The following HTT-AS variants were observed in gnomAD, a reference collection of about 807,000 sequenced individuals.
HTT-AS encodes the protein HTT antisense RNA (head to head).
intron 2 of HTT-AS, among the ~76,000 whole-genome samples, chr4:3,061,648 C>G (rs1002317395): frequency 1.4e-5 from 2 of 146,490 alleles, no homozygotes; most frequent in African/African-American, 2.5e-5. Flanking sequence ...TGCCATTGCA[C>G]TCCAGCCTGG....
intron 1 of HTT-AS, among the ~76,000 whole-genome samples, chr4:3,065,506 C>G (rs74658198): frequency 0.023 from 3,509 of 152,238 alleles, 66 homozygotes; most frequent in Middle Eastern, 0.048. Flanking sequence ...TGTGAGCCAC[C>G]ACGCCAGCCC....
chr4:3,051,918 C>T (rs1711711510), intron 2 of HTT-AS, among the ~76,000 whole-genome samples: 1 of 152,154 alleles, frequency 6.6e-6, no homozygotes, highest in African/African-American at 2.4e-5. Flanking sequence ...AGGTCTCCAT[C>T]TTGTTTTAAG....
At chr4:3,072,626 C>CTTTA (rs956162061) in intron 1 of HTT-AS, among the ~76,000 whole-genome samples, 12 of 152,208 alleles carry the variant, frequency 7.9e-5, no homozygotes, top group African/African-American at 2.2e-4. Flanking sequence ...GAACTGGGAA[C>CTTTA]TTTATTTATT....
At chr4:3,061,905 C>G (rs933704632) in intron 2 of HTT-AS, among the ~76,000 whole-genome samples, 1 of 147,350 alleles carries the variant, frequency 6.8e-6, no homozygotes, top group Non-Finnish European at 1.5e-5. Flanking sequence ...TGGCGTGAAC[C>G]GGGGAGGCGG....
chr4:3,056,846 C>T (rs1387212876), intron 2 of HTT-AS, among the ~76,000 whole-genome samples: 2 of 152,162 alleles, frequency 1.3e-5, no homozygotes, highest in Non-Finnish European at 1.5e-5. Context: ...CACCATCTAT[C>T]ATTCATTCAA....
intron 2 of HTT-AS, among the ~76,000 whole-genome samples, chr4:3,057,266 C>T (rs1711822224): frequency 6.6e-6 from 1 of 152,144 alleles, no homozygotes; most frequent in Admixed American, 6.5e-5. Flanking sequence ...ATCTCCTGAC[C>T]TCGTGATCTG....
chr4:3,049,418 C>T (rs113281116), exon 3 of HTT-AS, among the ~76,000 whole-genome samples: 5,311 of 151,568 alleles, frequency 0.035, 112 homozygotes, highest in African/African-American at 0.056. Flanking sequence ...AGCAAGACTC[C>T]ATCTCCAAAA....
intron 2 of HTT-AS, among the ~76,000 whole-genome samples, chr4:3,060,003 CCT>C (rs1380421077): frequency 2.7e-5 from 4 of 148,938 alleles, no homozygotes; most frequent in Non-Finnish European, 4.4e-5. Flanking sequence ...CTCACTGCAA[CCT>C]CTGTCTCCTG....
chr4:3,047,250 G>A (rs1170635852), downstream of HTT-AS, among the ~76,000 whole-genome samples: 1 of 152,180 alleles, frequency 6.6e-6, no homozygotes, highest in African/African-American at 2.4e-5. Context: ...GGCGGAGCTT[G>A]CAGTGAGCCG....
intron 2 of HTT-AS, among the ~76,000 whole-genome samples, chr4:3,051,921 G>C (rs1214915876): frequency 6.6e-6 from 1 of 152,116 alleles, no homozygotes; most frequent in East Asian, 1.9e-4. Flanking sequence ...TCTCCATCTT[G>C]TTTTAAGTCT....
At chr4:3,058,798 C>A (rs527540553) in intron 2 of HTT-AS, among the ~76,000 whole-genome samples, 1 of 151,758 alleles carries the variant, frequency 6.6e-6, no homozygotes, top group Non-Finnish European at 1.5e-5. Flanking sequence ...CGGCTCACTG[C>A]AATCTCCACC....
intron 2 of HTT-AS, among the ~76,000 whole-genome samples, chr4:3,061,986 TAAAA>T (rs548695397): frequency 4.6e-4 from 29 of 63,408 alleles, no homozygotes; most frequent in African/African-American, 1.3e-3. Context: ...TATCTCAAAT[TAAAA>T]AAAAAAAAAA....
downstream of HTT-AS, among the ~76,000 whole-genome samples, chr4:3,047,171 C>T (rs796475887): frequency 1.6e-4 from 24 of 152,100 alleles, no homozygotes; most frequent in African/African-American, 3.4e-4. Context: ...ATTAGCCGGG[C>T]GTGGTGGCGT....
downstream of HTT-AS, among the ~76,000 whole-genome samples, chr4:3,047,931 C>G (rs929620242): frequency 2.6e-5 from 4 of 152,204 alleles, no homozygotes; most frequent in Admixed American, 1.3e-4. Flanking sequence ...CTCTCCGCCT[C>G]GGCTACCAAA....
chr4:3,047,242 C>T (rs1020105863), downstream of HTT-AS, among the ~76,000 whole-genome samples: 11 of 152,192 alleles, frequency 7.2e-5, no homozygotes, highest in African/African-American at 2.6e-4. Flanking sequence ...ACCCGGGAGG[C>T]GGAGCTTGCA....
chr4:3,065,276 G>A (rs1227383860), intron 1 of HTT-AS, among the ~76,000 whole-genome samples: 5 of 151,004 alleles, frequency 3.3e-5, no homozygotes, highest in Admixed American at 3.3e-4. Flanking sequence ...GTCTTGCTCT[G>A]TTGCCAGGCT....
intron 2 of HTT-AS, among the ~76,000 whole-genome samples, chr4:3,061,335 G>A (rs1204692529): frequency 6.6e-6 from 1 of 152,204 alleles, no homozygotes; most frequent in South Asian, 2.1e-4. Context: ...GTAGACAAAT[G>A]GTTGCATTCT....
At chr4:3,069,895 A>G (rs1244381814) in intron 1 of HTT-AS, 1 of 152,460 alleles carries the variant, frequency 6.6e-6, no homozygotes, top group African/African-American at 2.4e-5. Flanking sequence ...TCTGCTCTCC[A>G]GTTGCTCGAC....
At chr4:3,047,095 A>G (rs1711604521), downstream of HTT-AS, among the ~76,000 whole-genome samples, 1 of 152,216 alleles carries the variant, frequency 6.6e-6, no homozygotes. Flanking sequence ...GCAGATCATG[A>G]GGTCAGGAGA....
Sources: allele counts gnomAD v4.1 joint callset (sites outside exome capture counted in the v4.1 genomes callset), GRCh38; gene constraint gnomAD v4.1.1; transcripts MANE v1.5; gene names NCBI Gene and HGNC (gene_info 2026-07-23, HGNC 2026-07-21).